PDZRN3: variants seen among roughly 807,000 people sequenced by gnomAD.
PDZRN3 encodes E3 ubiquitin-protein ligase PDZRN3.
Under a neutral mutation model 85.7 loss-of-function variants are expected in PDZRN3, and 38 were observed. The observed-to-expected ratio is 0.44, with a 90% CI of 0.34 to 0.58. PDZRN3 has a LOEUF of 0.58. PDZRN3 is among the 20% of genes least tolerant of loss of function. PDZRN3 has a pLI of 0.01. For synonymous variants in PDZRN3, 759 were observed against 638.0 expected (o/e 1.19, Z -2.86); for missense variants, 1,629 against 1,506.4 (o/e 1.08, Z -1.35).
rs1341960336 is a variant in PDZRN3, at chr3:73,383,594, C to T, written c.2972G>A (p.Arg991Gln). Residue 991 changes from arginine to glutamine, a missense_variant, in exon 10 of 10, where the codon CGG becomes CAG. By Grantham distance (43) the Arg-to-Gln change is conservative. Transcript: ENST00000263666. ...CCTGCTCTGCATCATGAACTCGCGCCGCCGCCGCTGCTCCTTGGCCTTCAC... is the reference window on the plus strand; with the variant it reads ...CCTGCTCTGCATCATGAACTCGCGCTGCCGCCGCTGCTCCTTGGCCTTCAC... ...HLVKAKEQRR[R>Q]REFMMQSRLD... 7 of 1,614,110 alleles carry T rather than the reference C, an allele frequency of 4.3e-6. No homozygotes were observed. In the East Asian group the frequency reaches 8.9e-5, roughly 21 times the overall value.
Position 73,570,074 on chromosome 3 carries a change from G to A in PDZRN3, c.918+32280C>T, listed in dbSNP as rs558338530. ...TTCTTCCAAGCCCTTATACTACCCC[G>A]CTGACACATTATATATTTGGTCTCG... is the stretch of plus-strand genomic sequence containing the variant. On this transcript the variant is annotated intron_variant, in intron 3 of 9. Coordinates refer to ENST00000263666, the MANE Select transcript of PDZRN3 (RefSeq NM_015009.3). 2.6e-5 allele frequency among the ~76,000 whole-genome samples: 4 copies of A among 152,078 alleles called. No homozygotes were observed. The East Asian group carries it at 5.8e-4, about 22-fold the overall frequency.
At chr3:73,616,853 G>A (rs577131537) in intron 1 of PDZRN3, among the ~76,000 whole-genome samples, 2 of 152,274 alleles carry the variant, frequency 1.3e-5, no homozygotes, top group Admixed American at 6.5e-5. Context: ...ATTAAGGCTT[G>A]AAGGTTAGAA....
At chr3:73,532,777 A>C (rs1278761508) in intron 3 of PDZRN3, among the ~76,000 whole-genome samples, 5 of 152,194 alleles carry the variant, frequency 3.3e-5, no homozygotes, top group Non-Finnish European at 7.3e-5. Context: ...ACAGATCTCC[A>C]TGTTATTTGC....
At chr3:73,433,552 A>C in intron 3 of PDZRN3, 1 of 857,932 alleles carries the variant, frequency 1.2e-6, no homozygotes, top group East Asian at 2.7e-5. Flanking sequence ...AAAAACACAC[A>C]TAAAAATCCC....
chr3:73,618,858 C>CT (rs113463323), intron 1 of PDZRN3, among the ~76,000 whole-genome samples: 2,108 of 152,168 alleles, frequency 0.014, 47 homozygotes, highest in African/African-American at 0.048. Flanking sequence ...CAATCTGTAA[C>CT]TTTTTTTTAG....
chr3:73,570,646 C>G (rs1702033071), intron 3 of PDZRN3, among the ~76,000 whole-genome samples: 1 of 152,126 alleles, frequency 6.6e-6, no homozygotes, highest in Non-Finnish European at 1.5e-5. Context: ...TCCTCAAAAG[C>G]TAGCCCTTGA....
chr3:73,403,178 A>C (rs1263961444), intron 4 of PDZRN3, among the ~76,000 whole-genome samples: 2 of 152,046 alleles, frequency 1.3e-5, no homozygotes, highest in Non-Finnish European at 2.9e-5. Context: ...AATCTCCTGA[A>C]CTTGTGATCC....
At chr3:73,482,116 T>C (rs1302268426) in intron 3 of PDZRN3, among the ~76,000 whole-genome samples, 1 of 152,228 alleles carries the variant, frequency 6.6e-6, no homozygotes, top group East Asian at 1.9e-4. Context: ...AGGATAAGAA[T>C]GTGATGATTA....
At chr3:73,454,876 A>G (rs1483995802) in intron 3 of PDZRN3, among the ~76,000 whole-genome samples, 1 of 151,970 alleles carries the variant, frequency 6.6e-6, no homozygotes, top group Non-Finnish European at 1.5e-5. Flanking sequence ...GATTTTACCC[A>G]TTTTAAAGTT....
intron 3 of PDZRN3, among the ~76,000 whole-genome samples, chr3:73,544,626 G>GCCGAGA (rs986205497): frequency 6.6e-6 from 1 of 150,862 alleles, no homozygotes; most frequent in Non-Finnish European, 1.5e-5. Context: ...ACTCTGTGGT[G>GCCGAGA]CCGAGATATT....
rs556633645 is a variant in PDZRN3, at chr3:73,585,787, C to T, written c.918+16567G>A. Among the ~76,000 whole-genome samples, 4 of 152,254 alleles carry T rather than the reference C, an allele frequency of 2.6e-5. No homozygotes were observed. In the South Asian group the frequency reaches 6.2e-4, roughly 24 times the overall value. On this transcript the variant is annotated intron_variant, in intron 3 of 9. Coordinates refer to ENST00000263666, the MANE Select transcript of PDZRN3 (RefSeq NM_015009.3). ...TGCTACTGATTTTATGTTGCCAAAA[C>T]GGGTTTTGACAGGCAGATAAGATCC...
intron 1 of PDZRN3, among the ~76,000 whole-genome samples, chr3:73,623,237 A>T (rs1702895230): frequency 6.6e-6 from 1 of 152,248 alleles, no homozygotes. Context: ...GAAGCCTGAC[A>T]AAAACCTTTC....
At chr3:73,407,939 G>C (rs1701887073) in intron 3 of PDZRN3, 1 of 583,750 alleles carries the variant, frequency 1.7e-6, no homozygotes, top group Non-Finnish European at 3.0e-6. Flanking sequence ...AAGAGCAGTA[G>C]CAACCCCAAA....
chr3:73,619,462 GC>G (rs1405877649), intron 1 of PDZRN3, among the ~76,000 whole-genome samples: 1 of 152,202 alleles, frequency 6.6e-6, no homozygotes, highest in Non-Finnish European at 1.5e-5. Context: ...AGGTAGTGAT[GC>G]TTCAGCTGAG....
intron 3 of PDZRN3, among the ~76,000 whole-genome samples, chr3:73,567,181 A>G (rs1259697678): frequency 6.6e-6 from 1 of 152,208 alleles, no homozygotes; most frequent in African/African-American, 2.4e-5. Flanking sequence ...ACATGTTATA[A>G]GAATCTGGTA....
chr3:73,507,659 T>C (rs1345168949), intron 3 of PDZRN3, among the ~76,000 whole-genome samples: 1 of 152,194 alleles, frequency 6.6e-6, no homozygotes, highest in Non-Finnish European at 1.5e-5. Context: ...GAATCAGCCA[T>C]ATGAGAAATC....
At chr3:73,504,083 A>G (rs1704029630) in intron 3 of PDZRN3, among the ~76,000 whole-genome samples, 1 of 152,214 alleles carries the variant, frequency 6.6e-6, no homozygotes, top group African/African-American at 2.4e-5. Flanking sequence ...ATAAACAGAA[A>G]TTAATATTAC....
chr3:73,403,069 G>A (rs868422958), intron 4 of PDZRN3, among the ~76,000 whole-genome samples: 10 of 150,308 alleles, frequency 6.7e-5, no homozygotes, highest in Admixed American at 1.3e-4. Context: ...TCAGCCTCCC[G>A]AGTAGCTGGG....
At chr3:73,409,537 T>G (rs948032529) in intron 3 of PDZRN3, among the ~76,000 whole-genome samples, 26 of 152,184 alleles carry the variant, frequency 1.7e-4, no homozygotes, top group African/African-American at 6.3e-4. Context: ...AAGAAGTTCT[T>G]GGAGGAAAAA....
Sources: gnomAD v4.1 joint callset for allele counts (sites outside exome capture counted in the v4.1 genomes callset) on GRCh38, gnomAD v4.1.1 for gene constraint, MANE v1.5 for transcripts, NCBI Gene and HGNC (gene_info 2026-07-23, HGNC 2026-07-21) for gene names.